GPC5: variants seen among roughly 807,000 people sequenced by gnomAD.
GPC5 encodes glypican-5.
Under a neutral mutation model 53.9 loss-of-function variants are expected in GPC5, and 47 were observed. That is an observed-to-expected ratio of 0.87 (90% CI 0.69 to 1.11). GPC5 has a LOEUF of 1.11. Ranked by LOEUF, GPC5 falls within the 50% of genes most tolerant of loss-of-function variation. GPC5 has a pLI of 0.00. For missense variants in GPC5, 748 were observed against 713.1 expected (o/e 1.05, Z -0.56); for synonymous variants, 286 against 263.3 (o/e 1.09, Z -0.84).
chr13:91,702,368 A>T (rs2036011425), intron 3 of GPC5, among the ~76,000 whole-genome samples: 1 of 152,084 alleles, frequency 6.6e-6, no homozygotes. Flanking sequence ...TCTTGCTAAG[A>T]CTAATGTCAA....
chr13:92,192,679 A>G (rs2042231022), intron 7 of GPC5, among the ~76,000 whole-genome samples: 1 of 152,178 alleles, frequency 6.6e-6, no homozygotes, highest in Admixed American at 6.5e-5. Context: ...TTAGCTGACA[A>G]GGGAATAATT....
chr13:92,751,514 T>C (rs1594479029), intron 7 of GPC5, among the ~76,000 whole-genome samples: 1 of 148,460 alleles, frequency 6.7e-6, no homozygotes, highest in Non-Finnish European at 1.5e-5. Flanking sequence ...GCTGCACTTA[T>C]ACATCAAGTA....
intron 6 of GPC5, among the ~76,000 whole-genome samples, chr13:92,025,581 T>C (rs1343584196): frequency 6.6e-6 from 1 of 152,176 alleles, no homozygotes; most frequent in African/African-American, 2.4e-5. Context: ...GTGTAAACTA[T>C]GAAATGAAAG....
chr13:92,529,298 T>C (rs374444993), intron 7 of GPC5, among the ~76,000 whole-genome samples: 28 of 152,284 alleles, frequency 1.8e-4, no homozygotes, highest in African/African-American at 6.7e-4. Context: ...TTAAAGACAT[T>C]GAATCTATGA....
chr13:92,034,228 G>A (rs965356382), intron 6 of GPC5, among the ~76,000 whole-genome samples: 1 of 152,168 alleles, frequency 6.6e-6, no homozygotes. Flanking sequence ...AGGTGCAGCG[G>A]CTCACGTCTG....
intron 7 of GPC5, among the ~76,000 whole-genome samples, chr13:92,323,213 A>G (rs986493850): frequency 6.6e-6 from 1 of 151,248 alleles, no homozygotes; most frequent in African/African-American, 2.4e-5. Context: ...GGTACTTAGT[A>G]TTTTCGGTAC....
At chr13:91,752,580 C>T (rs1016236947) in intron 4 of GPC5, among the ~76,000 whole-genome samples, 6 of 152,202 alleles carry the variant, frequency 3.9e-5, no homozygotes, top group Non-Finnish European at 7.3e-5. Flanking sequence ...CCTTCAAATT[C>T]ACTCATTCTT....
chr13:92,703,050 A>G (rs1450300732), intron 7 of GPC5, among the ~76,000 whole-genome samples: 2 of 131,004 alleles, frequency 1.5e-5, no homozygotes, highest in Non-Finnish European at 3.2e-5. Flanking sequence ...TGGCATATAT[A>G]TATATTTATT....
At chr13:91,574,447 C>T (rs2032058416) in intron 2 of GPC5, among the ~76,000 whole-genome samples, 1 of 152,066 alleles carries the variant, frequency 6.6e-6, no homozygotes. Flanking sequence ...CCTGGAGACA[C>T]AGTTTTCTGG....
intron 6 of GPC5, among the ~76,000 whole-genome samples, chr13:92,054,641 C>T (rs536327904): frequency 1.3e-5 from 2 of 152,260 alleles, no homozygotes; most frequent in African/African-American, 4.8e-5. Flanking sequence ...GACCTGCACA[C>T]TTGACAAAGT....
chr13:92,824,106 C>T (rs1209862118), intron 7 of GPC5, among the ~76,000 whole-genome samples: 1 of 152,038 alleles, frequency 6.6e-6, no homozygotes, highest in Admixed American at 6.6e-5. Context: ...AGTTAAAGTT[C>T]TTAAATCCTA....
At chr13:91,467,028 G>A (rs576982802) in intron 2 of GPC5, among the ~76,000 whole-genome samples, 78 of 152,220 alleles carry the variant, frequency 5.1e-4, no homozygotes, top group African/African-American at 1.7e-3. Flanking sequence ...TGCTTTACAC[G>A]CCTGCATTGA....
chr13:91,436,942 T>G (rs549250511), intron 1 of GPC5, among the ~76,000 whole-genome samples: 1 of 152,220 alleles, frequency 6.6e-6, no homozygotes, highest in Non-Finnish European at 1.5e-5. Flanking sequence ...CATTATGTAA[T>G]GGCCTTCTTT....
At chr13:92,652,400 T>C (rs1465030250) in intron 7 of GPC5, among the ~76,000 whole-genome samples, 1 of 152,180 alleles carries the variant, frequency 6.6e-6, no homozygotes, top group East Asian at 1.9e-4. Context: ...GCCTTTTAGT[T>C]ACCCTGTATT....
intron 7 of GPC5, among the ~76,000 whole-genome samples, chr13:92,539,909 CA>C (rs897578580): frequency 6.3e-4 from 95 of 151,948 alleles, no homozygotes; most frequent in Non-Finnish European, 9.7e-4. Flanking sequence ...ATCAAAGAAC[CA>C]AAAATTTAGA....
At chr13:91,568,141 C>A (rs79952514) in intron 2 of GPC5, among the ~76,000 whole-genome samples, 13,630 of 152,202 alleles carry the variant, frequency 0.09, 740 homozygotes, top group South Asian at 0.31. Flanking sequence ...ACTTTATAAA[C>A]CTCCTTTGTT....
At chr13:91,402,027 TTTTTA>T (rs1355708181) in intron 1 of GPC5, among the ~76,000 whole-genome samples, 1 of 152,200 alleles carries the variant, frequency 6.6e-6, no homozygotes, top group Non-Finnish European at 1.5e-5. Context: ...GGTCTTTTCA[TTTTTA>T]TTTTATTTAT....
At chr13:91,951,919 A>G (rs2040029148) in intron 6 of GPC5, among the ~76,000 whole-genome samples, 1 of 152,154 alleles carries the variant, frequency 6.6e-6, no homozygotes, top group South Asian at 2.1e-4. Context: ...AGTTTTCCAC[A>G]TAAAATCTTT....
In GPC5 at chr13:92,627,191, G is replaced by C. The variant is rs1008022792; in HGVS notation, c.1562-239091G>C. Among the ~76,000 whole-genome samples the C allele has an allele frequency of 8.5e-5, 13 of 152,130 alleles. 1 individual carries two copies. The highest frequency in any genetic ancestry group is 3.2e-3 in the Middle Eastern group (1 of 316). ...GTAGTCCTTTTAGAAGAATTATCTT[G>C]TCAGACTATTTTCCTTCTAACAGAT... On this transcript the variant is annotated intron_variant, in intron 7 of 7. Coordinates refer to ENST00000377067, the MANE Select transcript of GPC5 (RefSeq NM_004466.6).
Sources: gnomAD v4.1 joint callset for allele counts (sites outside exome capture counted in the v4.1 genomes callset) on GRCh38, gnomAD v4.1.1 for gene constraint, MANE v1.5 for transcripts, NCBI Gene and HGNC (gene_info 2026-07-23, HGNC 2026-07-21) for gene names.